The following ZNF416 variants were observed in gnomAD, a reference collection of about 807,000 sequenced individuals.
The protein encoded by ZNF416 is zinc finger protein 416.
ZNF416 carries 5 observed loss-of-function variants against 10.9 expected under a neutral mutation model. That is an observed-to-expected ratio of 0.46 (90% CI 0.24 to 0.97). The LOEUF (loss-of-function observed/expected upper bound fraction) is 0.97. Ranked by LOEUF, ZNF416 falls within the 50% of genes least tolerant of loss-of-function variation. The probability of loss-of-function intolerance (pLI) is 0.19; values close to 1 mark genes in which losing one functional copy is unlikely to be tolerated. For synonymous variants in ZNF416, 267 were observed against 251.8 expected (o/e 1.06, Z -0.57); for missense variants, 675 against 715.0 (o/e 0.94, Z 0.64).
chr19:57,578,866 T>A lies in ZNF416; in HGVS notation c.-162A>T. The stretch of plus-strand genomic sequence containing the variant: ...CTAACTCAGGCGGCGTGGGCCGAGG[T>A]AGAGAACCACCAAAATTACCATCTC... On this transcript the variant is annotated 5_prime_UTR_variant, in exon 1 of 4. Coordinates refer to ENST00000196489, the MANE Select transcript of ZNF416 (RefSeq NM_017879.3). 1 of 615,436 alleles carries A rather than the reference T, an allele frequency of 1.6e-6. No homozygotes were observed. Among genetic ancestry groups the A allele is most frequent in the African/African-American group, 1.9e-5 (1 of 51,760 alleles). The allele number at this position is 615,436 out of a possible 1,614,324, so 38.1% of individuals were successfully genotyped here. A position where few individuals can be genotyped will look rare whatever the true frequency, so the allele number is the denominator to read the frequency against.
chr19:57,576,174 G>C (rs1328609296), intron 2 of ZNF416, among the ~76,000 whole-genome samples: 1 of 152,158 alleles, frequency 6.6e-6, no homozygotes, highest in East Asian at 1.9e-4. Context: ...CTAGCATATA[G>C]GGCTGGATTT....
At chr19:57,576,560 T>A (rs1978543796) in intron 2 of ZNF416, among the ~76,000 whole-genome samples, 1 of 152,064 alleles carries the variant, frequency 6.6e-6, no homozygotes, top group African/African-American at 2.4e-5. Context: ...ACTCTGTCCC[T>A]TTCTACATCC....
Position 57,572,402 on chromosome 19 carries a change from T to C in ZNF416, c.1502A>G (p.Lys501Arg). 6.2e-7 allele frequency: 1 copy of C among 1,614,208 alleles called. No individual in the cohort carries two copies. The highest frequency in any genetic ancestry group is 2.2e-5 in the East Asian group (1 of 44,888). ...ERPFECSECG[K>R]FFRQSYTLVE... The stretch of plus-strand genomic sequence containing the variant: ...GAGGGTATAGCTTTGTCTAAAAAAT[T>C]TCCCACATTCACTGCACTCAAAAGG... Residue 501 changes from lysine to arginine, a missense_variant, in exon 4 of 4, where the codon AAA (lysine) becomes AGA (arginine). By Grantham distance (26) the Lys-to-Arg change is conservative. Coordinates refer to ENST00000196489, the MANE Select transcript of ZNF416 (RefSeq NM_017879.3). This position sits in a 1 kb window ranked among gnomAD's most constrained non-coding sequence, Gnocchi z 4.5.
In ZNF416 at chr19:57,572,934, T is replaced by C; in HGVS notation, c.970A>G (p.Arg324Gly). ...IKHHRVHTGE[R>G]PYECGECGKS... ...CCACATTCACCACACTCGTAAGGCC[T>C]TTCTCCAGTGTGAACTCTGTGATGT... The change falls in exon 4 of 4, where the codon AGG becomes GGG. Residue 324 changes from arginine (R) to glycine (G), a missense_variant. By Grantham distance (125) the Arg-to-Gly change is moderately radical. Coordinates refer to ENST00000196489, the MANE Select transcript of ZNF416 (RefSeq NM_017879.3). The surrounding 1 kb of genome is among the most constrained non-coding windows in gnomAD (Gnocchi z 4.5). 1.9e-6 allele frequency: 3 copies of C among 1,614,202 alleles called. No individual in the cohort carries two copies. The highest frequency in any genetic ancestry group is 2.2e-5 in the East Asian group (1 of 44,886).
intron 1 of ZNF416, 90 bp downstream of exon 1, chr19:57,578,582 G>A: frequency 7.2e-7 from 1 of 1,386,744 alleles, no homozygotes; most frequent in South Asian, 1.5e-5. Context: ...TCTAGGGTCG[G>A]GCTGCAGGGA....
At chr19:57,578,493 G>A in intron 1 of ZNF416, 179 bp downstream of exon 1, 2 of 649,210 alleles carry the variant, frequency 3.1e-6, no homozygotes, top group Non-Finnish European at 4.8e-6. Flanking sequence ...CGGCCCCTCC[G>A]CCTGCCACAC....
In ZNF416 at chr19:57,572,775, T is replaced by G; in HGVS notation, c.1129A>C (p.Thr377Pro). ...CCACACTCATATGGCTTTTCTCCTG[T>G]GTGAGTTCTCTGGTGTCGAACAAGA... is the stretch of plus-strand genomic sequence containing the variant. ...STLVRHQRTH[T>P]GEKPYECGEC... The change falls in exon 4 of 4, where the codon ACA (threonine) becomes CCA (proline). Residue 377 changes from threonine (T) to proline (P), a missense_variant. Thr to Pro is a conservative substitution (Grantham distance 38). Transcript: ENST00000196489. This position sits in a 1 kb window ranked among gnomAD's most constrained non-coding sequence, Gnocchi z 4.5. 1 of 1,614,218 alleles carries G rather than the reference T, an allele frequency of 6.2e-7. No individual in the cohort carries two copies. Among genetic ancestry groups the G allele is most frequent in the Non-Finnish European group, 8.5e-7 (1 of 1,180,034 alleles).
In ZNF416 at chr19:57,573,643, T is replaced by C; in HGVS notation, c.261A>G (p.Gly87=). 1 of 1,614,208 alleles carries C rather than the reference T, an allele frequency of 6.2e-7. No individual in the cohort carries two copies. Among genetic ancestry groups the C allele is most frequent in the South Asian group, 1.1e-5 (1 of 91,086 alleles). The change falls in exon 4 of 4, where the codon GGA becomes GGG. Residue 87 remains glycine (G), a synonymous_variant. Coordinates refer to ENST00000196489, the MANE Select transcript of ZNF416 (RefSeq NM_017879.3). ...CCTCTGGAGTCCTGACCTGAGGTAC[T>C]CCTTCTACAGAAACACTTTGCTCAG... ...ETPEQSVSVE[G]VPQVRTPEAS... is the part of the protein sequence containing the mutation.
rs1978407040 is a variant in ZNF416, at chr19:57,573,557, A to G, written c.347T>C (p.Ile116Thr). The G allele has an allele frequency of 1.2e-6, 2 of 1,614,022 alleles. No individual in the cohort carries two copies. Among genetic ancestry groups the G allele is most frequent in the African/African-American group, 2.7e-5 (2 of 74,916 alleles). ...CCCAGGCAAATCGGTCAGGTGCAAA[A>G]TGTCGGTCAGGAATGGGACACACAT... ...CDMCVPFLTD[I>T]LHLTDLPGQE... The change falls in exon 4 of 4, where the codon ATT (isoleucine) becomes ACT (threonine). Residue 116 changes from isoleucine to threonine, a missense_variant. Ile to Thr is a moderately conservative substitution (Grantham distance 89). Coordinates refer to ENST00000196489, the MANE Select transcript of ZNF416 (RefSeq NM_017879.3).
rs1369208628 is a variant in ZNF416 at position 57,572,725 on chromosome 19, TTGTC to T, written c.1175_1178del (p.Arg392LysfsTer29). 2 of 1,614,010 alleles carry T rather than the reference TTGTC, an allele frequency of 1.2e-6. No individual in the cohort carries two copies. Among genetic ancestry groups the T allele is most frequent in the African/African-American group, 2.7e-5 (2 of 74,968 alleles). On this transcript the variant is annotated frameshift_variant, in exon 4 of 4. Transcript: ENST00000196489. LOFTEE classifies it low-confidence loss of function (END_TRUNC). The surrounding 1 kb of genome is among the most constrained non-coding windows in gnomAD (Gnocchi z 4.5). ...TCTGGTGTACAACAAGGCTGAAGCTTTGTCTGAATAATTTCCCACATTCACCACA... is the reference window on the plus strand; with the variant it reads ...TCTGGTGTACAACAAGGCTGAAGCTTTGAATAATTTCCCACATTCACCACA...
In ZNF416 at chr19:57,573,713, G is replaced by A. The variant is rs780411936; in HGVS notation, c.203-12C>T. 2 of 1,602,660 alleles carry A rather than the reference G, an allele frequency of 1.2e-6. No homozygotes were observed. On this transcript the variant is annotated splice_polypyrimidine_tract_variant and intron_variant, in intron 3 of 3. Coordinates refer to ENST00000196489, the MANE Select transcript of ZNF416 (RefSeq NM_017879.3). The stretch of plus-strand genomic sequence containing the variant: ...CCCATGCCAACAAACTGAAAGCAGA[G>A]AAACACTGATGAAATGCACGTTGAC...
intron 2 of ZNF416, 117 bp downstream of exon 2, chr19:57,577,940 T>C: frequency 1.7e-6 from 2 of 1,144,860 alleles, no homozygotes; most frequent in East Asian, 4.7e-5. Context: ...CTGATGTTTG[T>C]TCAGGATTCC....
intron 1 of ZNF416, chr19:57,578,334 G>GA (rs957210460): frequency 3.4e-6 from 2 of 593,134 alleles, no homozygotes; most frequent in Admixed American, 3.0e-5. Flanking sequence ...AGTAACTTTA[G>GA]AAAAAATTTG....
intron 3 of ZNF416, among the ~76,000 whole-genome samples, chr19:57,574,934 G>C (rs1463094620): frequency 6.6e-6 from 1 of 152,170 alleles, no homozygotes; most frequent in Non-Finnish European, 1.5e-5. Context: ...ATCGTGAGTG[G>C]GTCAGTGTTG....
In ZNF416 at chr19:57,575,647, G is replaced by A. The variant is rs1978503535; in HGVS notation, c.202+157C>T. ...TGCATTTTGGGACAGCAAATGTCAG[G>A]GCTGATTAAGGAGTGCAATGATTTC... On this transcript the variant is annotated intron_variant, in intron 3 of 3. Coordinates refer to ENST00000196489, the MANE Select transcript of ZNF416 (RefSeq NM_017879.3). The surrounding 1 kb of genome is among the most constrained non-coding windows in gnomAD (Gnocchi z 4.4). Among the ~76,000 whole-genome samples, 1 of 152,104 alleles carries A rather than the reference G, an allele frequency of 6.6e-6. No homozygotes were observed. Among genetic ancestry groups the A allele is most frequent in the South Asian group, 2.1e-4 (1 of 4,824 alleles).
At position 57,573,178 on chromosome 19, in the gene ZNF416, A is replaced by T; in HGVS notation, c.726T>A (p.Tyr242Ter). The T allele has an allele frequency of 6.2e-7, 1 of 1,614,228 alleles. No individual in the cohort carries two copies. The highest frequency in any genetic ancestry group is 8.5e-7 in the Non-Finnish European group (1 of 1,180,038). The change falls in exon 4 of 4, where the codon TAT becomes TAA. Residue 242 changes from tyrosine (Y) to a stop codon, truncating the protein, a stop_gained. Transcript: ENST00000196489. LOFTEE classifies it low-confidence loss of function (END_TRUNC). Reference sequence around the variant, plus strand: ...AGGCTTTCCCACATTTGCTAGATTCATAAAGCCTTTTTCCAGTGCAGACTC... The same window carrying T: ...AGGCTTTCCCACATTTGCTAGATTCTTAAAGCCTTTTTCCAGTGCAGACTC... ...HPRVCTGKRLYESSKCGKACC... is the reference protein window; with the variant it reads ...HPRVCTGKRL
At position 57,572,314 on chromosome 19, in the gene ZNF416, G is replaced by C. The variant is rs867698187; in HGVS notation, c.1590C>G (p.Ser530=). 7 of 1,614,040 alleles carry C rather than the reference G, an allele frequency of 4.3e-6. No individual in the cohort carries two copies. The highest frequency in any genetic ancestry group is 3.3e-4 in the Middle Eastern group (2 of 6,062). The change falls in exon 4 of 4, where the codon TCC becomes TCG. Residue 530 remains serine (S), a synonymous_variant. Coordinates refer to ENST00000196489, the MANE Select transcript of ZNF416 (RefSeq NM_017879.3). This position sits in a 1 kb window ranked among gnomAD's most constrained non-coding sequence, Gnocchi z 4.5. ...RPYDCGQCGK[S]FIQKSSLIQH... Reference sequence around the variant, plus strand: ...GAATGAGGCTAGACTTTTGGATAAAGGATTTCCCGCACTGTCCACAGTCGT... The same window carrying C: ...GAATGAGGCTAGACTTTTGGATAAACGATTTCCCGCACTGTCCACAGTCGT...
rs1411123617 is a variant in ZNF416 at position 57,575,322 on chromosome 19, T to C, written c.202+482A>G. The stretch of plus-strand genomic sequence containing the variant: ...AGTCCTAAGGGAAAGCTGGGACAGG[T>C]GAGTATCCTGCAGTGGCCCAGAGCA... On this transcript the variant is annotated intron_variant, in intron 3 of 3. Coordinates refer to ENST00000196489, the MANE Select transcript of ZNF416 (RefSeq NM_017879.3). The surrounding 1 kb of genome is among the most constrained non-coding windows in gnomAD (Gnocchi z 4.4). Among the ~76,000 whole-genome samples, 1 of 152,110 alleles carries C rather than the reference T, an allele frequency of 6.6e-6. No homozygotes were observed. Among genetic ancestry groups the C allele is most frequent in the East Asian group, 1.9e-4 (1 of 5,198 alleles).
intron 1 of ZNF416, 117 bp downstream of exon 1, chr19:57,578,555 G>T: frequency 8.6e-7 from 1 of 1,165,836 alleles, no homozygotes; most frequent in Non-Finnish European, 1.2e-6. Flanking sequence ...ACCCGCGAGG[G>T]CCTCATAGTC....
Sources: gnomAD v4.1 joint callset for allele counts (sites outside exome capture counted in the v4.1 genomes callset) on GRCh38, gnomAD v4.1.1 for gene constraint, Gnocchi (gnomAD v3.1) non-coding constraint, MANE v1.5 for transcripts, NCBI Gene and HGNC (gene_info 2026-07-23, HGNC 2026-07-21) for gene names.